Variants in HDAC4 observed in about 807,000 individuals in gnomAD.
HDAC4 encodes histone deacetylase 4.
A neutral mutation model predicts 135.1 loss-of-function variants in HDAC4; 16 were observed. That is an observed-to-expected ratio of 0.12 (90% CI 0.08 to 0.18). The LOEUF (loss-of-function observed/expected upper bound fraction) is 0.18. HDAC4 is among the 10% of genes least tolerant of loss of function. The pLI is 1.00. For missense variants in HDAC4, 1,143 were observed against 1,511.8 expected, an observed-to-expected ratio of 0.76 and a Z score of 4.05; for synonymous variants, 685 against 653.4, an observed-to-expected ratio of 1.05 and a Z score of -0.74.
chr2:239,166,778 C>T (rs922750435), intron 5 of HDAC4, among the ~76,000 whole-genome samples: 2 of 151,988 alleles, frequency 1.3e-5, no homozygotes, highest in East Asian at 1.9e-4. Context: ...AAGGAAAGGC[C>T]GGGCGGTGGG....
rs1691557997 is a variant in HDAC4, at chr2:239,331,329, G to C, written c.22+21349C>G. On this transcript the variant is annotated intron_variant, in intron 2 of 26. Transcript: ENST00000543185. The surrounding 1 kb of genome is among the most constrained non-coding windows in gnomAD (Gnocchi z 4.5). ...GAGGGAAGACAAGCAGGAAGGGGTG[G>C]GGTGGCCCTGCCCACTGCATTTCTG... 6.6e-6 allele frequency among the ~76,000 whole-genome samples: 1 copy of C among 152,208 alleles called. No homozygotes were observed. The highest frequency in any genetic ancestry group is 1.9e-4 in the East Asian group (1 of 5,178).
At chr2:239,202,277 AT>A (rs984382065) in intron 3 of HDAC4, among the ~76,000 whole-genome samples, 1 of 152,190 alleles carries the variant, frequency 6.6e-6, no homozygotes, top group Non-Finnish European at 1.5e-5. Flanking sequence ...AATGAGAGTA[AT>A]CTCCACCCAG....
At chr2:239,373,877 C>T (rs62180878) in intron 1 of HDAC4, among the ~76,000 whole-genome samples, 34,086 of 152,036 alleles carry the variant, frequency 0.22, 4,815 homozygotes, top group Non-Finnish European at 0.33. Context: ...TCCTTGATGC[C>T]CCAATTGTCT....
At chr2:239,066,080 G>C (rs1484294142) in intron 24 of HDAC4, among the ~76,000 whole-genome samples, 1 of 152,180 alleles carries the variant, frequency 6.6e-6, no homozygotes, top group African/African-American at 2.4e-5. Context: ...GCTGGGAGCA[G>C]GGAGGCCCGG....
intron 6 of HDAC4, 64 bp from the exon 7 acceptor site, chr2:239,156,837 C>CCGAGAAGCCACACA: frequency 1.3e-6 from 2 of 1,599,380 alleles, no homozygotes; most frequent in Non-Finnish European, 1.7e-6. Context: ...CATGCTGCAG[C>CCGAGAAGCCACACA]CGAGAAGCCA....
chr2:239,236,513 C>G (rs2047896944), intron 3 of HDAC4, 80 bp downstream of exon 3: 9 of 1,177,654 alleles, frequency 7.6e-6, no homozygotes, highest in Non-Finnish European at 1.1e-5. Context: ...CTCTGCACTC[C>G]TCCAATAAGG....
intron 5 of HDAC4, among the ~76,000 whole-genome samples, chr2:239,166,883 A>G (rs140563252): frequency 1.1e-3 from 169 of 152,386 alleles, no homozygotes; most frequent in African/African-American, 3.9e-3. Context: ...TTTACTGATA[A>G]AAGAAATAAG....
chr2:239,148,406 T>G (rs757347708), intron 7 of HDAC4, among the ~76,000 whole-genome samples: 12 of 152,148 alleles, frequency 7.9e-5, no homozygotes, highest in Non-Finnish European at 1.5e-4. Context: ...GGAGAAATCA[T>G]GAGCAGCAAT....
intron 2 of HDAC4, among the ~76,000 whole-genome samples, chr2:239,317,971 A>G (rs553048513): frequency 6.6e-6 from 1 of 151,942 alleles, no homozygotes; most frequent in East Asian, 1.9e-4. Context: ...CTTAAAAGTC[A>G]GTTTCCAAGA....
intron 1 of HDAC4, among the ~76,000 whole-genome samples, chr2:239,378,076 C>T (rs938745574): frequency 2.6e-5 from 4 of 152,208 alleles, no homozygotes; most frequent in Non-Finnish European, 4.4e-5. Context: ...TGCCCCTCCA[C>T]TCAGCCAACA....
chr2:239,339,249 A>C (rs1451606678), intron 2 of HDAC4, among the ~76,000 whole-genome samples: 1 of 152,184 alleles, frequency 6.6e-6, no homozygotes, highest in African/African-American at 2.4e-5. Flanking sequence ...CCCACTGCTC[A>C]CTGTCCCAGT....
chr2:239,255,656 G>C (rs1030338785), intron 2 of HDAC4, among the ~76,000 whole-genome samples: 6 of 152,192 alleles, frequency 3.9e-5, no homozygotes, highest in African/African-American at 1.2e-4. Flanking sequence ...AGGAGGAAGA[G>C]GAGGCCACTG....
At chr2:239,148,079 G>T (rs1531687) in intron 7 of HDAC4, among the ~76,000 whole-genome samples, 134,323 of 152,156 alleles carry the variant, frequency 0.88, 59,707 homozygotes, top group African/African-American at 0.97. Flanking sequence ...AGCGGCCAGC[G>T]AGGAAAGAAC....
intron 2 of HDAC4, among the ~76,000 whole-genome samples, chr2:239,321,621 G>A (rs1308880359): frequency 6.6e-6 from 1 of 152,096 alleles, no homozygotes. Context: ...GGTCCTTTGT[G>A]GGGTTCTCAG....
chr2:239,330,141 G>A (rs1307942065), intron 2 of HDAC4, among the ~76,000 whole-genome samples: 1 of 152,262 alleles, frequency 6.6e-6, no homozygotes, highest in African/African-American at 2.4e-5. Context: ...AGAGCCGATG[G>A]CCGGAGGCCG....
chr2:239,155,589 A>G (rs1349048479), intron 7 of HDAC4: 1 of 152,394 alleles, frequency 6.6e-6, no homozygotes. Context: ...CCTCTGCTCC[A>G]GGGATGTGGC....
At chr2:239,243,630 C>CTTA (rs1255556326) in intron 2 of HDAC4, among the ~76,000 whole-genome samples, 1 of 152,180 alleles carries the variant, frequency 6.6e-6, no homozygotes, top group African/African-American at 2.4e-5. Context: ...GAAACAGTAA[C>CTTA]GACACAGTCT....
At chr2:239,254,329 T>A (rs2048941322) in intron 2 of HDAC4, among the ~76,000 whole-genome samples, 1 of 151,492 alleles carries the variant, frequency 6.6e-6, no homozygotes, top group Non-Finnish European at 1.5e-5. Flanking sequence ...ACCCACCATG[T>A]GGGAATCGGC....
chr2:239,304,077 C>A (rs185283516), intron 2 of HDAC4, among the ~76,000 whole-genome samples: 2,379 of 152,324 alleles, frequency 0.016, 43 homozygotes, highest in East Asian at 0.08. Flanking sequence ...GCCCAGCTCC[C>A]CGACCCGTAA....
Sources: allele counts gnomAD v4.1 joint callset (sites outside exome capture counted in the v4.1 genomes callset), GRCh38; gene constraint gnomAD v4.1.1; non-coding constraint Gnocchi (gnomAD v3.1); transcripts MANE v1.5; gene names NCBI Gene and HGNC (gene_info 2026-07-23, HGNC 2026-07-21).